The following RPL7A variants were observed in gnomAD, a reference collection of about 807,000 sequenced individuals.
The protein encoded by RPL7A is large ribosomal subunit protein eL8.
For synonymous variants in RPL7A, 158 were observed against 128.2 expected (o/e 1.23, Z -1.57); for missense variants, 291 against 338.2 (o/e 0.86, Z 1.09).
chr9:133,350,914 A>C, intron 6 of RPL7A, 88 bp from the exon 7 acceptor site: 1 of 1,528,436 alleles, frequency 6.5e-7, no homozygotes, highest in Non-Finnish European at 9.1e-7. Context: ...CTGAGGCAAA[A>C]GACTGTCTTG....
Position 133,350,035 on chromosome 9 carries a change from C to G in RPL7A, c.398C>G (p.Pro133Arg). 1 of 1,613,722 alleles carries G rather than the reference C, an allele frequency of 6.2e-7. No individual in the cohort carries two copies. The highest frequency in any genetic ancestry group is 1.1e-5 in the South Asian group (1 of 91,064). The change falls in exon 4 of 8, where the codon CCA (proline) becomes CGA (arginine). Residue 133 changes from proline (P) to arginine (R), a missense_variant. Transcript: ENST00000323345. ...AGKGDVPTKR[P>R]PVLRAGVNTV... ...AAAGGGGACGTCCCAACGAAGAGAC[C>G]ACCTGTCCTTCGAGCAGGTGAGTAG...
chr9:133,348,361 C>G (rs1836271688), intron 1 of RPL7A, 115 bp downstream of exon 1: 2 of 1,426,668 alleles, frequency 1.4e-6, no homozygotes, highest in Non-Finnish European at 2.0e-6. Flanking sequence ...TAGGAGAGCC[C>G]CACTCGGTGT....
chr9:133,350,459 C>G (rs200860154), intron 5 of RPL7A, 138 bp from the exon 6 acceptor site: 51 of 1,516,090 alleles, frequency 3.4e-5, no homozygotes, highest in South Asian at 1.0e-4. Context: ...GTGGCTCTTG[C>G]AATGATGTGA....
In RPL7A at chr9:133,349,828, C is replaced by A. The variant is rs782102788; in HGVS notation, c.275-84C>A. 4.4e-6 allele frequency: 7 copies of A among 1,575,558 alleles called. No individual in the cohort carries two copies. The Admixed American group carries it at 1.2e-4, about 28-fold the overall frequency. ...TTAAATTATAGTCATATAGCAGGACCGCAGTCCAGCATTTGTTATTAAGTG... is the reference window on the plus strand; with the variant it reads ...TTAAATTATAGTCATATAGCAGGACAGCAGTCCAGCATTTGTTATTAAGTG... On this transcript the variant is annotated intron_variant, in intron 3 of 7. Coordinates refer to ENST00000323345, the MANE Select transcript of RPL7A (RefSeq NM_000972.3).
At chr9:133,348,502 C>T in intron 1 of RPL7A, 1 of 610,980 alleles carries the variant, frequency 1.6e-6, no homozygotes. Flanking sequence ...TGTCGCAGGC[C>T]TGGAGCACCG....
chr9:133,349,320 C>G (rs1051768660), intron 2 of RPL7A: 4 of 806,794 alleles, frequency 5.0e-6, no homozygotes, highest in Non-Finnish European at 8.7e-6. Context: ...GACTGCAATT[C>G]TGCTGTACTT....
intron 5 of RPL7A, 25 bp downstream of exon 5, chr9:133,350,344 C>T (rs2129992962): frequency 3.7e-6 from 6 of 1,611,924 alleles, no homozygotes; most frequent in Non-Finnish European, 5.1e-6. Flanking sequence ...TGACTGCTAA[C>T]CCAAGGGCTT....
chr9:133,350,078 A>G (rs947368632), intron 4 of RPL7A, 26 bp downstream of exon 4: 1 of 1,613,956 alleles, frequency 6.2e-7, no homozygotes, highest in Non-Finnish European at 8.5e-7. Context: ...CTTAGGGTGA[A>G]CACTGGGGGC....
chr9:133,350,450 T>C (rs2129993761), intron 5 of RPL7A, 131 bp downstream of exon 5: 1 of 1,501,418 alleles, frequency 6.7e-7, no homozygotes, highest in Admixed American at 1.7e-5. Context: ...AACACATGCG[T>C]GGCTCTTGCA....
At chr9:133,351,094 A>C (rs1472247338) in intron 7 of RPL7A, 23 bp downstream of exon 7, 2 of 1,608,952 alleles carry the variant, frequency 1.2e-6, no homozygotes, top group Admixed American at 1.7e-5. Flanking sequence ...TTTACACCAA[A>C]ATACTGTCAT....
intron 1 of RPL7A, 186 bp from the exon 2 acceptor site, chr9:133,348,736 G>C (rs1258693409): frequency 4.5e-6 from 4 of 892,752 alleles, no homozygotes; most frequent in Non-Finnish European, 7.3e-6. Context: ...GGGGCTGCAT[G>C]CTTGTGCGGC....
At chr9:133,350,406 C>A (rs2129993291) in intron 5 of RPL7A, 87 bp downstream of exon 5, 40 of 1,533,162 alleles carry the variant, frequency 2.6e-5, no homozygotes, top group Non-Finnish European at 3.5e-5. Flanking sequence ...AGTGATGGGA[C>A]CGAAGTGGGT....
In RPL7A at chr9:133,349,426, TGA is replaced by T. The variant is rs2129985967; in HGVS notation, c.125-120_125-119del. On this transcript the variant is annotated intron_variant, in intron 2 of 7. Transcript: ENST00000323345. ...ATGATGTAAAAGAATATTTGCTATCTGAGAGATGGTGATGACATTTTAAACCA... is the reference window on the plus strand; with the variant it reads ...ATGATGTAAAAGAATATTTGCTATCTGAGATGGTGATGACATTTTAAACCA... The T allele has an allele frequency of 1.0e-5, 12 of 1,146,514 alleles. No homozygotes were observed. In the South Asian group the frequency reaches 1.2e-4, roughly 12 times the overall value. The allele number at this position is 1,146,514 out of a possible 1,614,324, so 71.0% of individuals were successfully genotyped here.
At chr9:133,350,791 T>G (rs2129996126) in intron 6 of RPL7A, 64 bp downstream of exon 6, 17 of 1,604,144 alleles carry the variant, frequency 1.1e-5, no homozygotes, top group Non-Finnish European at 1.5e-5. Flanking sequence ...CACAGTTGTT[T>G]CCTTTTGCCT....
intron 4 of RPL7A, 85 bp downstream of exon 4, chr9:133,350,137 A>G (rs2129991584): frequency 1.9e-6 from 3 of 1,613,328 alleles, no homozygotes; most frequent in Non-Finnish European, 2.5e-6. Context: ...TACTGTGAAG[A>G]GTAAAACCGA....
rs1421127859 is a variant in RPL7A at position 133,348,246 on chromosome 9, GGTGA to G, written c.3+6_3+9del. 6.2e-7 allele frequency: 1 copy of G among 1,613,984 alleles called. No individual in the cohort carries two copies. The highest frequency in any genetic ancestry group is 2.2e-5 in the East Asian group (1 of 44,876). On this transcript the variant is annotated splice_donor_variant and splice_donor_region_variant and intron_variant, in intron 1 of 7. Transcript: ENST00000323345. LOFTEE classifies it high-confidence loss of function. ...TCTCTCTCCTCCCGCCGCCCAAGATGGTGAGTGAGCTGTAGTTCCGTGGCACTAT... is the reference window on the plus strand; with the variant it reads ...TCTCTCTCCTCCCGCCGCCCAAGATGGTGAGCTGTAGTTCCGTGGCACTAT...
rs2129995306 is a variant in RPL7A at position 133,350,683 on chromosome 9, C to T, written c.582C>T (p.Val194=). The T allele has an allele frequency of 6.2e-7, 1 of 1,614,142 alleles. No homozygotes were observed. Residue 194 remains valine, a synonymous_variant, in exon 6 of 8, where the codon GTC becomes GTT. Transcript: ENST00000323345. ...GAAAGGCAAGACTGGGACGTCTAGT[C>T]CACAGGAAGACCTGCACCACTGTCG... ...IKGKARLGRL[V]HRKTCTTVAF...
Position 133,350,590 on chromosome 9 carries a change from C to A in RPL7A, c.496-7C>A, listed in dbSNP as rs2129994957. ...AAATACAGTCTTCAGCTAATGCTTT[C>A]TTCCAGCTGGTTGTCTTCTTGCCTG... On this transcript the variant is annotated splice_polypyrimidine_tract_variant and splice_region_variant and intron_variant, in intron 5 of 7. Transcript: ENST00000323345. The A allele has an allele frequency of 1.2e-6, 2 of 1,614,004 alleles. No individual in the cohort carries two copies. Among genetic ancestry groups the A allele is most frequent in the East Asian group, 2.2e-5 (1 of 44,876 alleles).
chr9:133,348,250 A>G lies in RPL7A; in HGVS notation c.3+4A>G, dbSNP rs2129977212. On this transcript the variant is annotated splice_donor_region_variant and intron_variant, in intron 1 of 7. Transcript: ENST00000323345. ...TCTCCTCCCGCCGCCCAAGATGGTG[A>G]GTGAGCTGTAGTTCCGTGGCACTAT... 5.0e-6 allele frequency: 8 copies of G among 1,613,986 alleles called. No homozygotes were observed. Among genetic ancestry groups the G allele is most frequent in the Middle Eastern group, 1.6e-4 (1 of 6,062 alleles).
Sources: gnomAD v4.1 joint callset for allele counts on GRCh38, gnomAD v4.1.1 for gene constraint, MANE v1.5 for transcripts, NCBI Gene and HGNC (gene_info 2026-07-23, HGNC 2026-07-21) for gene names.